The following EPB41L4A variants were observed in gnomAD, a reference collection of about 807,000 sequenced individuals.
EPB41L4A encodes the protein band 4.1-like protein 4A.
EPB41L4A carries 100 observed loss-of-function variants against 108.6 expected under a neutral mutation model. That is an observed-to-expected ratio of 0.92 (90% CI 0.78 to 1.09). The LOEUF (loss-of-function observed/expected upper bound fraction) is 1.09. Ranked by LOEUF, EPB41L4A falls within the 50% of genes least tolerant of loss-of-function variation. The pLI is 0.00. For missense variants in EPB41L4A, 1,030 were observed against 842.7 expected, an observed-to-expected ratio of 1.22 and a Z score of -2.75; for synonymous variants, 319 against 289.0, an observed-to-expected ratio of 1.10 and a Z score of -1.05.
intron 1 of EPB41L4A, among the ~76,000 whole-genome samples, chr5:112,319,828 C>T (rs1411957243): frequency 6.6e-6 from 1 of 152,160 alleles, no homozygotes; most frequent in African/African-American, 2.4e-5. Context: ...TGCTTTGCCT[C>T]CTTCCCTGAT....
At chr5:112,222,942 G>GTTTT (rs11399684) in intron 12 of EPB41L4A, among the ~76,000 whole-genome samples, 3 of 140,176 alleles carry the variant, frequency 2.1e-5, no homozygotes, top group Admixed American at 7.1e-5. Context: ...AGTGAAACTA[G>GTTTT]TTTTTTTTTT....
At chr5:112,229,176 C>T (rs139252925) in intron 12 of EPB41L4A, among the ~76,000 whole-genome samples, 3 of 152,186 alleles carry the variant, frequency 2.0e-5, no homozygotes, top group East Asian at 3.9e-4. Context: ...ACCCCCATCA[C>T]GACTTTTTAA....
At chr5:112,269,780 G>A (rs543642673) in intron 4 of EPB41L4A, among the ~76,000 whole-genome samples, 1 of 152,310 alleles carries the variant, frequency 6.6e-6, no homozygotes, top group East Asian at 1.9e-4. Flanking sequence ...TAACAAGGAA[G>A]TTTCCAGAAT....
At chr5:112,183,064 A>T (rs1761237517) in intron 18 of EPB41L4A, among the ~76,000 whole-genome samples, 1 of 152,134 alleles carries the variant, frequency 6.6e-6, no homozygotes. Flanking sequence ...AAGACTGAGA[A>T]GTGTCCCTTA....
intron 1 of EPB41L4A, among the ~76,000 whole-genome samples, chr5:112,349,426 G>T (rs2150726839): frequency 6.6e-6 from 1 of 152,290 alleles, no homozygotes; most frequent in Admixed American, 6.5e-5. Flanking sequence ...GTGCAGCATT[G>T]CCTGTAGATC....
At chr5:112,190,266 T>C (rs1019712222) in intron 17 of EPB41L4A, among the ~76,000 whole-genome samples, 3 of 152,144 alleles carry the variant, frequency 2.0e-5, no homozygotes, top group Non-Finnish European at 4.4e-5. Flanking sequence ...CCAGTAACAA[T>C]GTAATCCTTC....
intron 1 of EPB41L4A, among the ~76,000 whole-genome samples, chr5:112,349,671 G>A (rs1444267361): frequency 6.6e-6 from 1 of 152,186 alleles, no homozygotes; most frequent in African/African-American, 2.4e-5. Context: ...TTCAGCACAA[G>A]AGACGCCCAC....
intron 9 of EPB41L4A, among the ~76,000 whole-genome samples, chr5:112,241,195 T>C (rs1303100146): frequency 6.6e-6 from 1 of 152,060 alleles, no homozygotes; most frequent in Non-Finnish European, 1.5e-5. Context: ...AGTCCTTAAG[T>C]GTATTACTTT....
intron 2 of EPB41L4A, among the ~76,000 whole-genome samples, chr5:112,286,960 T>C (rs567096136): frequency 1.3e-5 from 2 of 152,292 alleles, no homozygotes; most frequent in African/African-American, 4.8e-5. Context: ...CCATCATCCA[T>C]GTTCTTGAAA....
chr5:112,166,949 A>G (rs1028424124), intron 22 of EPB41L4A, among the ~76,000 whole-genome samples: 5 of 152,238 alleles, frequency 3.3e-5, no homozygotes, highest in African/African-American at 1.2e-4. Flanking sequence ...TTCAAAATCA[A>G]GAGTGTCCTG....
chr5:112,367,064 G>A (rs548757062), intron 1 of EPB41L4A, among the ~76,000 whole-genome samples: 1 of 152,308 alleles, frequency 6.6e-6, no homozygotes, highest in African/African-American at 2.4e-5. Context: ...CAGAGCACCA[G>A]AAACAGGCAG....
chr5:112,156,458 T>C (rs1325628579), intron 12 of EPB41L4A, among the ~76,000 whole-genome samples: 5 of 151,820 alleles, frequency 3.3e-5, no homozygotes, highest in South Asian at 2.1e-4. Context: ...TTCCAGCTGA[T>C]AGAGTCAGGC....
intron 1 of EPB41L4A, among the ~76,000 whole-genome samples, chr5:112,322,724 ACACT>A (rs1359257113): frequency 6.6e-6 from 1 of 150,890 alleles, no homozygotes; most frequent in African/African-American, 2.5e-5. Flanking sequence ...ACACACACAC[ACACT>A]CACACACACA....
intron 9 of EPB41L4A, among the ~76,000 whole-genome samples, chr5:112,255,199 A>G (rs943114018): frequency 2.0e-5 from 3 of 150,856 alleles, no homozygotes; most frequent in East Asian, 2.0e-4. Flanking sequence ...CCTGCCAGCT[A>G]TATTTCTGTT....
Position 112,234,711 on chromosome 5 carries a change from A to G in EPB41L4A, c.1010T>C (p.Leu337Pro). 6.2e-7 allele frequency: 1 copy of G among 1,612,922 alleles called. No individual in the cohort carries two copies. The highest frequency in any genetic ancestry group is 8.5e-7 in the Non-Finnish European group (1 of 1,179,190). ...TGTCACATTCTGATCAGGCCGGGGA[A>G]GCTGAATAGAAAGATCTCGGCTCAT... is the stretch of plus-strand genomic sequence containing the variant. ...LQMSRDLSIQ[L>P]PRPDQNVTRS... The change falls in exon 12 of 23, where the codon CTT becomes CCT. Residue 337 changes from leucine to proline, a missense_variant. Transcript: ENST00000261486.
intron 1 of EPB41L4A, among the ~76,000 whole-genome samples, chr5:112,411,640 T>G (rs1245232410): frequency 7.0e-6 from 1 of 142,778 alleles, no homozygotes; most frequent in Non-Finnish European, 1.5e-5. Context: ...AAAAAAAAAA[T>G]CACTTGTCCA....
chr5:112,154,342 C>A (rs147785810), intron 12 of EPB41L4A, among the ~76,000 whole-genome samples: 1 of 152,264 alleles, frequency 6.6e-6, no homozygotes, highest in East Asian at 1.9e-4. Context: ...TTATATAGTT[C>A]CCACTACTTA....
At chr5:112,396,868 T>C (rs534337323) in intron 1 of EPB41L4A, among the ~76,000 whole-genome samples, 2 of 152,352 alleles carry the variant, frequency 1.3e-5, no homozygotes, top group South Asian at 4.1e-4. Context: ...TCAAGAAATG[T>C]ATGGGTATAC....
chr5:112,172,107 A>G (rs539516804), intron 18 of EPB41L4A, among the ~76,000 whole-genome samples: 26 of 152,200 alleles, frequency 1.7e-4, no homozygotes, highest in Non-Finnish European at 3.4e-4. Flanking sequence ...TCTGTCTATA[A>G]AGACCTTTTA....
Sources: allele counts gnomAD v4.1 joint callset (sites outside exome capture counted in the v4.1 genomes callset), GRCh38; gene constraint gnomAD v4.1.1; transcripts MANE v1.5; gene names NCBI Gene and HGNC (gene_info 2026-07-23, HGNC 2026-07-21).